SYT6: variants seen among roughly 807,000 people sequenced by gnomAD.
SYT6 encodes the protein synaptotagmin 6.
SYT6 carries 24 observed loss-of-function variants against 38.4 expected under a neutral mutation model. That is an observed-to-expected ratio of 0.62 (90% confidence interval 0.45 to 0.88). The LOEUF is 0.88. Among genes scored for constraint, SYT6 ranks in the 40% least tolerant of loss-of-function variants. SYT6 has a pLI of 0.00. For missense variants in SYT6, 611 were observed against 621.0 expected (o/e 0.98, Z 0.17); for synonymous variants, 265 against 241.9 (o/e 1.10, Z -0.89).
At chr1:114,101,238 C>T (rs1275101065) in intron 4 of SYT6, among the ~76,000 whole-genome samples, 1 of 152,148 alleles carries the variant, frequency 6.6e-6, no homozygotes, top group Non-Finnish European at 1.5e-5. Flanking sequence ...CAGGAACCAA[C>T]ACTTTCACCA....
intron 3 of SYT6, among the ~76,000 whole-genome samples, 197 bp downstream of exon 3, chr1:114,137,298 G>T (rs1678536469): frequency 6.6e-6 from 1 of 152,176 alleles, no homozygotes; most frequent in Non-Finnish European, 1.5e-5. Flanking sequence ...TAGCTACATG[G>T]GGACTCTGCT....
chr1:114,121,283 C>T (rs1037899949), intron 3 of SYT6, among the ~76,000 whole-genome samples: 2 of 152,212 alleles, frequency 1.3e-5, no homozygotes, highest in South Asian at 4.1e-4. Flanking sequence ...CCTGTCCTCA[C>T]TATCCCTCCT....
rs761989852 is a variant in SYT6 at position 114,097,752 on chromosome 1, A to C, written c.1490T>G (p.Val497Gly). 4.3e-6 allele frequency: 7 copies of C among 1,613,998 alleles called. No individual in the cohort carries two copies. The highest frequency in any genetic ancestry group is 5.9e-6 in the Non-Finnish European group (7 of 1,179,996). ...CTCTTTGAAGGATTTCTTTACCTCC[A>C]CCAAGGAGTGCCAGTGTGCGATGGG... Reference protein sequence around the residue: ...RKPIAHWHSLVEVKKSFKEGN... With the variant: ...RKPIAHWHSLGEVKKSFKEGN... Residue 497 changes from valine (V) to glycine (G), a missense_variant, in exon 6 of 8, where the codon GTG becomes GGG. Physicochemically the swap from Val to Gly is moderately radical, Grantham distance 109. Transcript: ENST00000610222.
intron 1 of SYT6, chr1:114,152,498 C>T (rs933364566): frequency 6.6e-6 from 1 of 152,300 alleles, no homozygotes; most frequent in South Asian, 2.1e-4. Context: ...CCCCCAGCCC[C>T]TCCCCCATGG....
Position 114,137,906 on chromosome 1 carries a change from C to A in SYT6, c.660G>T (p.Glu220Asp). The A allele has an allele frequency of 6.2e-7, 1 of 1,614,006 alleles. No homozygotes were observed. Among genetic ancestry groups the A allele is most frequent in the East Asian group, 2.2e-5 (1 of 44,860 alleles). Residue 220 changes from glutamate to aspartate, a missense_variant, in exon 3 of 8, where the codon GAG becomes GAT. Glu to Asp is a conservative substitution (Grantham distance 45, BLOSUM62 2). Transcript: ENST00000610222. ...TCTTGGTGGCCTCAGACTTGGCATCCTCCCCATCCACCGACTTCTGCTTGT... is the reference window on the plus strand; with the variant it reads ...TCTTGGTGGCCTCAGACTTGGCATCATCCCCATCCACCGACTTCTGCTTGT... ...ELYKQKSVDG[E>D]DAKSEATKSC...
Position 114,139,907 on chromosome 1 carries a change from C to T in SYT6, c.220G>A (p.Ala74Thr). The change falls in exon 2 of 8, where the codon GCA becomes ACA. Residue 74 changes from alanine to threonine, a missense_variant. Transcript: ENST00000610222. ...VVIVCGVALVAVFLFLFWKLC... is the reference protein window; with the variant it reads ...VVIVCGVALVTVFLFLFWKLC... ...TTCCAAAAGAGAAAGAGAAAAACTG[C>T]CACCAGGGCCACGCCACACACAATA... 6.5e-7 allele frequency: 1 copy of T among 1,530,062 alleles called. No homozygotes were observed. Among genetic ancestry groups the T allele is most frequent in the Admixed American group, 2.1e-5 (1 of 46,522 alleles). The allele number at this position is 1,530,062 out of a possible 1,614,324, so 94.8% of individuals were successfully genotyped here. A position where few individuals can be genotyped will look rare whatever the true frequency, so the allele number is the denominator to read the frequency against.
intron 3 of SYT6, among the ~76,000 whole-genome samples, chr1:114,105,103 C>T (rs1676208636): frequency 6.6e-6 from 1 of 151,768 alleles, no homozygotes; most frequent in East Asian, 1.9e-4. Flanking sequence ...GTTAGATAGT[C>T]AAAAGTATCA....
intron 5 of SYT6, among the ~76,000 whole-genome samples, chr1:114,098,185 G>A (rs12566787): frequency 0.28 from 42,446 of 152,036 alleles, 6,238 homozygotes; most frequent in East Asian, 0.39. Context: ...ATTTGACCCC[G>A]CCAACACATT....
intron 5 of SYT6, among the ~76,000 whole-genome samples, chr1:114,098,184 C>T (rs185858597): frequency 7.4e-4 from 112 of 152,266 alleles, no homozygotes; most frequent in Non-Finnish European, 1.3e-3. Context: ...TATTTGACCC[C>T]GCCAACACAT....
chr1:114,104,541 G>T (rs1404617839), intron 3 of SYT6, among the ~76,000 whole-genome samples: 1 of 152,140 alleles, frequency 6.6e-6, no homozygotes, highest in Admixed American at 6.5e-5. Context: ...CGCTGTCACG[G>T]TGAAGCCTCC....
Position 114,138,071 on chromosome 1 carries a change from G to A in SYT6, c.513-18C>T, listed in dbSNP as rs370639763. On this transcript the variant is annotated intron_variant, in intron 2 of 7. Transcript: ENST00000610222. ...ACGTGTGCCTGGTAGAGGGCAGGAG[G>A]GGGCAGAGGGAGTGTGGTCAGGGCT... 6 of 1,606,262 alleles carry A rather than the reference G, an allele frequency of 3.7e-6. No individual in the cohort carries two copies. Among genetic ancestry groups the A allele is most frequent in the Non-Finnish European group, 4.3e-6 (5 of 1,175,542 alleles).
intron 3 of SYT6, among the ~76,000 whole-genome samples, chr1:114,123,711 G>C (rs976948383): frequency 1.3e-5 from 2 of 152,126 alleles, no homozygotes; most frequent in Non-Finnish European, 2.9e-5. Context: ...CCCTGCTCCT[G>C]GTTCCCATCA....
chr1:114,149,220 T>TGTGTGTGTGTGTGTGTGTGCGCGCGC (rs1679311902), intron 1 of SYT6, among the ~76,000 whole-genome samples: 16 of 113,954 alleles, frequency 1.4e-4, no homozygotes, highest in Non-Finnish European at 2.7e-4. Flanking sequence ...AGAGAGATTG[T>TGTGTGTGTGTGTGTGTGTGCGCGCGC]GTGTGTGTGT....
chr1:114,122,439 C>T (rs886520295), intron 3 of SYT6, among the ~76,000 whole-genome samples: 1 of 152,118 alleles, frequency 6.6e-6, no homozygotes, highest in East Asian at 1.9e-4. Flanking sequence ...GGAATGAGCA[C>T]TTTGCTGCTT....
At chr1:114,107,454 C>G (rs1048998927) in intron 3 of SYT6, among the ~76,000 whole-genome samples, 2 of 152,176 alleles carry the variant, frequency 1.3e-5, no homozygotes, top group Admixed American at 6.5e-5. Context: ...AGGACTGGCT[C>G]AAGATCCCAC....
intron 1 of SYT6, among the ~76,000 whole-genome samples, chr1:114,149,182 C>T (rs997245799): frequency 7.5e-4 from 26 of 34,486 alleles, no homozygotes; most frequent in African/African-American, 7.3e-3. Flanking sequence ...AAAGGTGTAC[C>T]TGAGGAATAT....
rs1195425472 is a variant in SYT6 at position 114,092,057 on chromosome 1, T to C, written c.*77A>G. ...CGGAGATGGGCACGAGCTCTCACTG[T>C]CGAAGCTAGCAGCTCGGCCCTGCCA... On this transcript the variant is annotated 3_prime_UTR_variant, in exon 8 of 8. Coordinates refer to ENST00000610222, the MANE Select transcript of SYT6 (RefSeq NM_001253772.2). 1 of 1,536,302 alleles carries C rather than the reference T, an allele frequency of 6.5e-7. No homozygotes were observed. The highest frequency in any genetic ancestry group is 8.7e-7 in the Non-Finnish European group (1 of 1,146,910).
intron 1 of SYT6, among the ~76,000 whole-genome samples, chr1:114,151,832 T>C (rs920018122): frequency 1.3e-5 from 2 of 152,160 alleles, no homozygotes; most frequent in Non-Finnish European, 2.9e-5. Flanking sequence ...CAGAGTCTTA[T>C]AATAATAACT....
chr1:114,105,186 G>A (rs1676213523), intron 3 of SYT6, among the ~76,000 whole-genome samples: 1 of 152,194 alleles, frequency 6.6e-6, no homozygotes, highest in Non-Finnish European at 1.5e-5. Flanking sequence ...TGTTTAGCTA[G>A]AGAAGACCTC....
Sources: gnomAD v4.1 joint callset for allele counts (sites outside exome capture counted in the v4.1 genomes callset) on GRCh38, gnomAD v4.1.1 for gene constraint, MANE v1.5 for transcripts, NCBI Gene and HGNC (gene_info 2026-07-23, HGNC 2026-07-21) for gene names.